The following DLC1 variants were observed in gnomAD, a reference collection of about 807,000 sequenced individuals.
DLC1 encodes the protein rho GTPase-activating protein 7.
In DLC1, 54 loss-of-function variants were observed where a neutral mutation model predicts 140.3. That is an observed-to-expected ratio of 0.38 (90% CI 0.31 to 0.48). The LOEUF (loss-of-function observed/expected upper bound fraction) is 0.48, where lower values mean the gene tolerates loss of function less well. Among genes scored for constraint, DLC1 ranks in the 20% least tolerant of loss-of-function variants. DLC1 has a pLI of 0.96. For missense variants in DLC1, 2,536 were observed against 1,907.0 expected (o/e 1.33, Z -6.14); for synonymous variants, 986 against 728.1 (o/e 1.35, Z -5.70).
At chr8:13,378,849 C>T (rs770571589) in intron 4 of DLC1, among the ~76,000 whole-genome samples, 1 of 151,978 alleles carries the variant, frequency 6.6e-6, no homozygotes, top group Non-Finnish European at 1.5e-5. Context: ...AATATAATTA[C>T]GAATAATCCA....
chr8:13,598,911 T>C (rs1317052614), intron 1 of DLC1, among the ~76,000 whole-genome samples: 1 of 151,860 alleles, frequency 6.6e-6, no homozygotes, highest in African/African-American at 2.4e-5. Flanking sequence ...TTTTCATTAT[T>C]CTAAATAAAA....
upstream of DLC1, chr8:13,514,892 G>C: frequency 2.7e-6 from 1 of 365,750 alleles, no homozygotes; most frequent in East Asian, 4.0e-5. Context: ...GGCCCAGATT[G>C]CCTGGAAAGT....
At chr8:13,574,828 A>T (rs1308298880) in intron 1 of DLC1, among the ~76,000 whole-genome samples, 2 of 152,178 alleles carry the variant, frequency 1.3e-5, no homozygotes, top group East Asian at 3.9e-4. Context: ...CTGTTTAGGA[A>T]TGTCTGGGAC....
At chr8:13,091,591 G>C (rs1030212800) in intron 13 of DLC1, among the ~76,000 whole-genome samples, 159 bp from the exon 14 acceptor site, 1 of 152,178 alleles carries the variant, frequency 6.6e-6, no homozygotes, top group African/African-American at 2.4e-5. Context: ...GGTCACCAGA[G>C]TATCTCAGAG....
Position 13,092,628 on chromosome 8 carries a change from C to T in DLC1, c.3724G>A (p.Glu1242Lys). 1 of 1,614,184 alleles carries T rather than the reference C, an allele frequency of 6.2e-7. No individual in the cohort carries two copies. The highest frequency in any genetic ancestry group is 8.5e-7 in the Non-Finnish European group (1 of 1,180,034). Residue 1242 changes from glutamate (E) to lysine (K), a missense_variant, in exon 13 of 18, where the codon GAG becomes AAG. Transcript: ENST00000276297. ...SLFHLNTLKRENSSPRVMQRK... is the reference protein window; with the variant it reads ...SLFHLNTLKRKNSSPRVMQRK... The stretch of plus-strand genomic sequence containing the variant: ...AGCCCGTACCTGGGAGAGGAATTCT[C>T]TCTCTTCAGGGTGTTGAGATGGAAG...
intron 4 of DLC1, among the ~76,000 whole-genome samples, chr8:13,361,937 C>T (rs1835245934): frequency 6.6e-6 from 1 of 152,120 alleles, no homozygotes; most frequent in Non-Finnish European, 1.5e-5. Context: ...AGACAGATTT[C>T]CCATATAGTC....
At position 13,534,331 on chromosome 8, in the gene DLC1, TC is replaced by T. The variant is rs568994762; in HGVS notation, c.-125-34136del. On this transcript the variant is annotated intron_variant, in intron 1 of 1. Transcript: ENST00000631382. ...TTCATTAATAATAAGAACTGTATTTTCTGTTAATATTGTATTTTTCTTTTTT... is the reference window on the plus strand; with the variant it reads ...TTCATTAATAATAAGAACTGTATTTTTGTTAATATTGTATTTTTCTTTTTT... Among the ~76,000 whole-genome samples the T allele has an allele frequency of 5.3e-5, 8 of 152,332 alleles. No homozygotes were observed. In the South Asian group the frequency reaches 1.7e-3, roughly 32 times the overall value.
At chr8:13,451,027 G>C (rs1284238233) in intron 2 of DLC1, among the ~76,000 whole-genome samples, 1 of 47,994 alleles carries the variant, frequency 2.1e-5, no homozygotes, top group African/African-American at 6.2e-5. Context: ...GATAGAGTGA[G>C]ACTCCGTCTC....
rs1033353371 is a variant in DLC1 at position 13,100,542 on chromosome 8, T to G, written c.1795A>C (p.Ser599Arg). ...QEVSSVRSLS[S>R]TGSLPSHAPP... is the part of the protein sequence containing the mutation. ...GCGTGGCTGGGGAGGCTGCCAGTGC[T>G]GCTGAGGCTGCGGACGGAAGACACC... The change falls in exon 9 of 18, where the codon AGC becomes CGC. Residue 599 changes from serine (S) to arginine (R), a missense_variant. By Grantham distance (110) the Ser-to-Arg change is moderately radical. Coordinates refer to ENST00000276297, the MANE Select transcript of DLC1 (RefSeq NM_182643.3). 6.2e-7 allele frequency: 1 copy of G among 1,613,018 alleles called. No individual in the cohort carries two copies. The highest frequency in any genetic ancestry group is 1.3e-5 in the African/African-American group (1 of 74,920).
intron 2 of DLC1, among the ~76,000 whole-genome samples, chr8:13,433,039 AT>A (rs1488811476): frequency 2.8e-5 from 4 of 144,436 alleles, no homozygotes; most frequent in Non-Finnish European, 6.0e-5. Context: ...AGGAACAGTT[AT>A]TGATAGCACA....
intron 5 of DLC1, among the ~76,000 whole-genome samples, chr8:13,299,378 T>A (rs1321332398): frequency 1.3e-5 from 2 of 150,760 alleles, no homozygotes; most frequent in African/African-American, 4.9e-5. Flanking sequence ...AACCCAGGAG[T>A]TGGAGGTTGC....
intron 5 of DLC1, among the ~76,000 whole-genome samples, chr8:13,243,017 G>A (rs1829608775): frequency 6.6e-6 from 1 of 151,830 alleles, no homozygotes; most frequent in Non-Finnish European, 1.5e-5. Flanking sequence ...GTTCTCATGA[G>A]GTCTGGTTGT....
Position 13,579,355 on chromosome 8 carries a change from A to AT in DLC1, c.-126+25181dup, listed in dbSNP as rs1245395352. Among the ~76,000 whole-genome samples, 9 of 25,310 alleles carry AT rather than the reference A, an allele frequency of 3.6e-4. 2 individuals are homozygous for AT. The South Asian group carries it at 4.8e-3, about 13-fold the overall frequency. 16.6% of individuals were successfully genotyped at this position (25,310 alleles called of 152,430 possible). ...TATATATATATATATATATATATAT[A>AT]TATATATTTTTATATAATACATATT... On this transcript the variant is annotated intron_variant, in intron 1 of 1. Transcript: ENST00000631382.
At chr8:13,471,335 C>CTA (rs1425287037) in intron 2 of DLC1, among the ~76,000 whole-genome samples, 1 of 151,362 alleles carries the variant, frequency 6.6e-6, no homozygotes, top group East Asian at 1.9e-4. Flanking sequence ...AAAATGGTAA[C>CTA]TATATAAGGT....
chr8:13,525,288 C>T (rs150642979), intron 1 of DLC1, among the ~76,000 whole-genome samples: 93 of 152,304 alleles, frequency 6.1e-4, no homozygotes, highest in African/African-American at 2.1e-3. Flanking sequence ...CATTACAAAT[C>T]AAGCTGCTAT....
chr8:13,251,320 A>T (rs1269944677), intron 5 of DLC1, among the ~76,000 whole-genome samples: 1 of 152,126 alleles, frequency 6.6e-6, no homozygotes, highest in Non-Finnish European at 1.5e-5. Context: ...GCAGGGTGGG[A>T]AATTACAATT....
intron 1 of DLC1, among the ~76,000 whole-genome samples, chr8:13,578,830 G>T (rs964401849): frequency 2.6e-5 from 4 of 151,980 alleles, no homozygotes; most frequent in African/African-American, 9.7e-5. Flanking sequence ...TCCAAACCCT[G>T]TCCTTTAGGT....
rs1000845327 is a variant in DLC1, at chr8:13,508,618, C to T, written c.-126+5984G>A. Among the ~76,000 whole-genome samples, 9 of 152,036 alleles carry T rather than the reference C, an allele frequency of 5.9e-5. No homozygotes were observed. The South Asian group carries it at 6.2e-4, about 11-fold the overall frequency. ...TATTTTTAGTAGAGACAGGGTTTCA[C>T]TGTGTTAGCCAGGATGGTCTTGATC... is the stretch of plus-strand genomic sequence containing the variant. On this transcript the variant is annotated intron_variant, in intron 1 of 17. Coordinates refer to ENST00000276297, the MANE Select transcript of DLC1 (RefSeq NM_182643.3).
chr8:13,465,224 C>G (rs1278224454), intron 2 of DLC1, among the ~76,000 whole-genome samples: 1 of 152,144 alleles, frequency 6.6e-6, no homozygotes, highest in Non-Finnish European at 1.5e-5. Flanking sequence ...GTCCACCTTT[C>G]CTGGAGAACA....
Sources: allele counts gnomAD v4.1 joint callset (sites outside exome capture counted in the v4.1 genomes callset), GRCh38; gene constraint gnomAD v4.1.1; transcripts MANE v1.5; gene names NCBI Gene and HGNC (gene_info 2026-07-23, HGNC 2026-07-21).